Variants in ADAMTSL1 observed in about 807,000 individuals in gnomAD.
ADAMTSL1 encodes the protein ADAMTS-like protein 1.
ADAMTSL1 carries 126 observed loss-of-function variants against 201.8 expected under a neutral mutation model. The ratio of observed to expected loss-of-function variants is 0.62; its 90% confidence interval spans 0.54 to 0.72. The LOEUF (loss-of-function observed/expected upper bound fraction) is 0.72. Ranked by LOEUF, ADAMTSL1 falls within the 30% of genes least tolerant of loss-of-function variation. ADAMTSL1 has a pLI of 0.00. For missense variants in ADAMTSL1, 2,679 were observed against 2,277.8 expected (o/e 1.18, Z -3.59); for synonymous variants, 1,121 against 903.4 (o/e 1.24, Z -4.32).
At chr9:18,017,527 C>A (rs561165990) in intron 1 of ADAMTSL1, among the ~76,000 whole-genome samples, 8 of 152,066 alleles carry the variant, frequency 5.3e-5, no homozygotes, top group African/African-American at 1.9e-4. Flanking sequence ...TCATGGAGTC[C>A]TATCTGTGGC....
At chr9:18,386,918 T>TACCC (rs1837817889) in intron 2 of ADAMTSL1, among the ~76,000 whole-genome samples, 1 of 152,142 alleles carries the variant, frequency 6.6e-6, no homozygotes, top group African/African-American at 2.4e-5. Flanking sequence ...ATTTCATAGT[T>TACCC]ACCCAAATTT....
At chr9:18,465,161 G>A (rs1245922561) in intron 2 of ADAMTSL1, among the ~76,000 whole-genome samples, 1 of 152,142 alleles carries the variant, frequency 6.6e-6, no homozygotes, top group Non-Finnish European at 1.5e-5. Context: ...GGGGCATAAT[G>A]TTTATTCACA....
rs751484190 is a variant in ADAMTSL1, at chr9:18,639,311, G to A, written c.734G>A (p.Gly245Glu). Reference protein sequence around the residue: ...TKGENSLSSTGTFLVDNSSVD... With the variant: ...TKGENSLSSTETFLVDNSSVD... ...GGTGAAAACAGTCTCAGCTCCACAGGAACTTTCCTTGTGGACAATTCTAGT... is the reference window on the plus strand; with the variant it reads ...GGTGAAAACAGTCTCAGCTCCACAGAAACTTTCCTTGTGGACAATTCTAGT... The change falls in exon 7 of 29, where the codon GGA (glycine) becomes GAA (glutamate). Residue 245 changes from glycine (G) to glutamate (E), a missense_variant. Gly to Glu is a moderately conservative substitution (Grantham distance 98, BLOSUM62 -2). Transcript: ENST00000380548. 1.2e-6 allele frequency: 2 copies of A among 1,613,000 alleles called. No individual in the cohort carries two copies. Among genetic ancestry groups the A allele is most frequent in the Non-Finnish European group, 1.7e-6 (2 of 1,179,330 alleles).
At chr9:18,012,587 G>T (rs1820096438) in intron 1 of ADAMTSL1, among the ~76,000 whole-genome samples, 1 of 152,040 alleles carries the variant, frequency 6.6e-6, no homozygotes, top group Non-Finnish European at 1.5e-5. Flanking sequence ...TGAGGGAAGA[G>T]AATAGTCACA....
chr9:18,839,608 C>T (rs1057499182), intron 23 of ADAMTSL1, among the ~76,000 whole-genome samples: 8 of 152,222 alleles, frequency 5.3e-5, no homozygotes, highest in African/African-American at 1.9e-4. Flanking sequence ...GGAATGGCCA[C>T]ACTGCCTTCC....
Position 18,832,811 on chromosome 9 carries a change from T to G in ADAMTSL1, c.4249+2834T>G, listed in dbSNP as rs562966072. ...TGGTGAGATGCCAGCCACTGTATGT[T>G]TCCTCTATGTACGAGGTCAGCTGGC... is the stretch of plus-strand genomic sequence containing the variant. On this transcript the variant is annotated intron_variant, in intron 23 of 28. Transcript: ENST00000380548. 4.6e-5 allele frequency among the ~76,000 whole-genome samples: 7 copies of G among 152,326 alleles called. No individual in the cohort carries two copies. The East Asian group carries it at 1.4e-3, about 29-fold the overall frequency.
chr9:18,561,051 T>C (rs952851053), intron 3 of ADAMTSL1, among the ~76,000 whole-genome samples: 2 of 152,174 alleles, frequency 1.3e-5, no homozygotes, highest in Non-Finnish European at 2.9e-5. Flanking sequence ...CTGCTAGCTT[T>C]TGAATTCCTG....
At chr9:18,674,041 G>C (rs537045672) in intron 9 of ADAMTSL1, among the ~76,000 whole-genome samples, 6 of 148,486 alleles carry the variant, frequency 4.0e-5, no homozygotes, top group African/African-American at 1.5e-4. Context: ...TCATCTGTCA[G>C]AAGGTAGAAA....
chr9:18,145,061 G>T (rs1000671243), intron 1 of ADAMTSL1, among the ~76,000 whole-genome samples: 1 of 152,072 alleles, frequency 6.6e-6, no homozygotes, highest in Non-Finnish European at 1.5e-5. Context: ...TCTAGTTAAG[G>T]GTCTACAACA....
At chr9:17,977,982 G>C (rs1390120560) in intron 1 of ADAMTSL1, among the ~76,000 whole-genome samples, 1 of 151,734 alleles carries the variant, frequency 6.6e-6, no homozygotes, top group Non-Finnish European at 1.5e-5. Context: ...TATTCATATG[G>C]GTGCTTCAGT....
At position 17,940,628 on chromosome 9, in the gene ADAMTSL1, G is replaced by A. The variant is rs577399285; in HGVS notation, c.87+33706G>A. On this transcript the variant is annotated intron_variant, in intron 1 of 29. Coordinates refer to the ADAMTSL1 transcript ENST00000680146. ...AAATGCAAGATGGGAGCCAAAAGAG[G>A]GGGTTTGCATTATAAATAACGACTT... Among the ~76,000 whole-genome samples the A allele has an allele frequency of 1.7e-4, 25 of 151,222 alleles. No individual in the cohort carries two copies. In the East Asian group the frequency reaches 4.7e-3, roughly 28 times the overall value.
chr9:18,129,613 G>T (rs1199828804), intron 1 of ADAMTSL1, among the ~76,000 whole-genome samples: 1 of 152,120 alleles, frequency 6.6e-6, no homozygotes, highest in African/African-American at 2.4e-5. Context: ...GATAGGCTTT[G>T]TAAACTTGTA....
At chr9:18,402,530 CA>C in intron 2 of ADAMTSL1, among the ~76,000 whole-genome samples, 1 of 152,158 alleles carries the variant, frequency 6.6e-6, no homozygotes, top group East Asian at 1.9e-4. Flanking sequence ...CCTTCCTCTC[CA>C]TAGAACCGTT....
chr9:18,626,878 C>A (rs13301966), intron 5 of ADAMTSL1, among the ~76,000 whole-genome samples: 4 of 90,082 alleles, frequency 4.4e-5, no homozygotes, highest in Middle Eastern at 4.5e-3. Context: ...TGTCTTTCTT[C>A]CTTCCTTCCT....
At chr9:18,314,268 A>G (rs1033546237) in intron 2 of ADAMTSL1, among the ~76,000 whole-genome samples, 1 of 152,154 alleles carries the variant, frequency 6.6e-6, no homozygotes, top group African/African-American at 2.4e-5. Context: ...AATATGGAAA[A>G]CAGTATGAAG....
upstream of ADAMTSL1, chr9:18,474,098 G>C: frequency 5.3e-6 from 3 of 560,806 alleles, no homozygotes; most frequent in Non-Finnish European, 9.4e-6. Flanking sequence ...CCCTCGGTCA[G>C]GAAATGTGAG....
At chr9:18,864,295 GA>G (rs1827376575) in intron 23 of ADAMTSL1, among the ~76,000 whole-genome samples, 1 of 152,132 alleles carries the variant, frequency 6.6e-6, no homozygotes, top group African/African-American at 2.4e-5. Flanking sequence ...GGGAAGAGGA[GA>G]AAAAACGTGC....
chr9:18,200,686 A>G (rs983414586), intron 2 of ADAMTSL1, among the ~76,000 whole-genome samples: 3 of 152,188 alleles, frequency 2.0e-5, no homozygotes, highest in South Asian at 2.1e-4. Flanking sequence ...ATGTAAATTA[A>G]TAGAGTACTG....
chr9:17,935,247 C>A (rs574608611), intron 1 of ADAMTSL1, among the ~76,000 whole-genome samples: 1 of 152,190 alleles, frequency 6.6e-6, no homozygotes, highest in South Asian at 2.1e-4. Context: ...CCTCCAGAAC[C>A]CCACACCCTC....
Sources: allele counts gnomAD v4.1 joint callset (sites outside exome capture counted in the v4.1 genomes callset), GRCh38; gene constraint gnomAD v4.1.1; transcripts MANE v1.5; gene names NCBI Gene and HGNC (gene_info 2026-07-23, HGNC 2026-07-21).